SLC44A5: variants seen among roughly 807,000 people sequenced by gnomAD.
SLC44A5 encodes the protein solute carrier family 44 member 5, also known as choline transporter-like protein 5.
SLC44A5 carries 57 observed loss-of-function variants against 101.8 expected under a neutral mutation model. That is an observed-to-expected ratio of 0.56 (90% CI 0.45 to 0.70). The LOEUF is 0.70. Among genes scored for constraint, SLC44A5 ranks in the 30% least tolerant of loss-of-function variants. The probability of loss-of-function intolerance (pLI) is 0.00; values close to 1 mark genes in which losing one functional copy is unlikely to be tolerated. For missense variants in SLC44A5, 737 were observed against 853.1 expected, an observed-to-expected ratio of 0.86 and a Z score of 1.70; for synonymous variants, 281 against 290.9, an observed-to-expected ratio of 0.97 and a Z score of 0.35.
intron 1 of SLC44A5, among the ~76,000 whole-genome samples, chr1:75,561,684 C>T (rs1341887584): frequency 1.3e-5 from 2 of 152,168 alleles, no homozygotes; most frequent in Non-Finnish European, 2.9e-5. Flanking sequence ...ATCTCTCCAA[C>T]ATCCTGATAA....
chr1:75,269,881 G>A (rs1651321168), intron 6 of SLC44A5, among the ~76,000 whole-genome samples: 2 of 152,150 alleles, frequency 1.3e-5, no homozygotes. Flanking sequence ...ATTCCCACAT[G>A]TTGTGGGAGG....
intron 4 of SLC44A5, among the ~76,000 whole-genome samples, chr1:75,303,134 T>C (rs558617301): frequency 6.6e-6 from 1 of 152,288 alleles, no homozygotes; most frequent in Non-Finnish European, 1.5e-5. Flanking sequence ...TCAATGCAAG[T>C]AGAGGTAAAC....
At chr1:75,344,501 C>T (rs1658107477) in intron 3 of SLC44A5, among the ~76,000 whole-genome samples, 1 of 152,052 alleles carries the variant, frequency 6.6e-6, no homozygotes, top group Non-Finnish European at 1.5e-5. Context: ...GTGAGATTAG[C>T]CTGGTTTATC....
chr1:75,548,036 A>G (rs1671746296), intron 1 of SLC44A5, among the ~76,000 whole-genome samples: 1 of 152,088 alleles, frequency 6.6e-6, no homozygotes, highest in Non-Finnish European at 1.5e-5. Context: ...TTAACCTTAT[A>G]CTTTTTATTT....
intron 1 of SLC44A5, among the ~76,000 whole-genome samples, chr1:75,556,458 G>T (rs1672220879): frequency 6.6e-6 from 1 of 152,060 alleles, no homozygotes; most frequent in Non-Finnish European, 1.5e-5. Context: ...ATTCAAGTTG[G>T]AATAATGATA....
intron 2 of SLC44A5, among the ~76,000 whole-genome samples, chr1:75,458,835 TTAA>T (rs1224556528): frequency 6.6e-6 from 1 of 152,182 alleles, no homozygotes; most frequent in Non-Finnish European, 1.5e-5. Flanking sequence ...AAGTGTGCAC[TTAA>T]TAAACATATG....
At chr1:75,504,279 T>C (rs1341569248) in intron 2 of SLC44A5, among the ~76,000 whole-genome samples, 1 of 152,136 alleles carries the variant, frequency 6.6e-6, no homozygotes, top group Non-Finnish European at 1.5e-5. Flanking sequence ...GCACTGCTGT[T>C]AAAATAATAG....
At chr1:75,559,908 T>C (rs1263730302) in intron 1 of SLC44A5, among the ~76,000 whole-genome samples, 1 of 152,160 alleles carries the variant, frequency 6.6e-6, no homozygotes, top group African/African-American at 2.4e-5. Context: ...AAAGAATATA[T>C]ACACATGGCC....
chr1:75,693,640 G>A, the SLC44A5 span, among the ~76,000 whole-genome samples: 2 of 152,082 alleles, frequency 1.3e-5, no homozygotes, highest in African/African-American at 4.8e-5. Flanking sequence ...AAAATGGTAC[G>A]GAAGAGTTCT....
the SLC44A5 span, among the ~76,000 whole-genome samples, chr1:75,644,642 AT>A: frequency 0.28 from 33,080 of 119,008 alleles, 4,511 homozygotes; most frequent in Middle Eastern, 0.45. Context: ...ATATATATAT[AT>A]TTTTTTTTAA....
At chr1:75,701,740 T>C in the SLC44A5 span, among the ~76,000 whole-genome samples, 82 of 152,290 alleles carry the variant, frequency 5.4e-4, no homozygotes, top group South Asian at 1.0e-3. Context: ...GATGACATGA[T>C]TGTATATCTA....
chr1:75,433,157 C>A (rs1664707319), intron 2 of SLC44A5, among the ~76,000 whole-genome samples: 1 of 152,114 alleles, frequency 6.6e-6, no homozygotes, highest in African/African-American at 2.4e-5. Flanking sequence ...TCCCCCTTCT[C>A]CTCACTTCAC....
chr1:75,533,771 T>C (rs1670850951), intron 2 of SLC44A5, among the ~76,000 whole-genome samples: 1 of 152,226 alleles, frequency 6.6e-6, no homozygotes, highest in Non-Finnish European at 1.5e-5. Flanking sequence ...TGCAATACCC[T>C]ATTCTTGAAT....
intron 2 of SLC44A5, among the ~76,000 whole-genome samples, chr1:75,496,800 C>A (rs576139522): frequency 6.6e-6 from 1 of 151,700 alleles, no homozygotes; most frequent in Admixed American, 6.6e-5. Flanking sequence ...TACAAATAGC[C>A]CAATTAAAAA....
intron 2 of SLC44A5, among the ~76,000 whole-genome samples, chr1:75,446,044 C>T (rs1665556314): frequency 6.6e-6 from 1 of 152,136 alleles, no homozygotes; most frequent in Admixed American, 6.5e-5. Flanking sequence ...ACCACCTCCA[C>T]CACTACTACT....
intron 2 of SLC44A5, among the ~76,000 whole-genome samples, chr1:75,398,933 G>A (rs1204433891): frequency 2.0e-5 from 3 of 151,798 alleles, no homozygotes; most frequent in Non-Finnish European, 4.4e-5. Context: ...CATTCACCCT[G>A]CCTGCTTATA....
chr1:75,291,585 G>C (rs1653546294), intron 5 of SLC44A5, among the ~76,000 whole-genome samples: 1 of 152,122 alleles, frequency 6.6e-6, no homozygotes, highest in Non-Finnish European at 1.5e-5. Flanking sequence ...AGTGATTCAG[G>C]AGCTGAGACC....
intron 13 of SLC44A5, among the ~76,000 whole-genome samples, chr1:75,224,183 A>T (rs1647148074): frequency 1.3e-5 from 2 of 152,308 alleles, no homozygotes; most frequent in South Asian, 4.1e-4. Context: ...AGTGCAATGC[A>T]TTACTCATGT....
rs1207077897 is a variant in SLC44A5, at chr1:75,380,630, T to C, written c.52+15953A>G. On this transcript the variant is annotated intron_variant, in intron 3 of 23. Transcript: ENST00000370859. ...GATAATAAAAATAAGACATGGGAAA[T>C]AGGTAAGGTGATAACGTGGGGGAGA... 6.1e-5 allele frequency among the ~76,000 whole-genome samples: 5 copies of C among 81,828 alleles called. 2 individuals are homozygous for C. The highest frequency in any genetic ancestry group is 1.0e-4 in the Non-Finnish European group (5 of 47,620). The allele number at this position is 81,828 out of a possible 152,430, so 53.7% of individuals were successfully genotyped here.
Sources: allele counts gnomAD v4.1 joint callset (sites outside exome capture counted in the v4.1 genomes callset), GRCh38; gene constraint gnomAD v4.1.1; transcripts MANE v1.5; gene names NCBI Gene and HGNC (gene_info 2026-07-23, HGNC 2026-07-21).